The following GALNT13 variants were observed in gnomAD, a reference collection of about 807,000 sequenced individuals.
GALNT13 encodes the protein UDP-GalNAc:polypeptide N-acetylgalactosaminyltransferase 13.
A neutral mutation model predicts 64.2 loss-of-function variants in GALNT13; 28 were observed. That is an observed-to-expected ratio of 0.44 (90% CI 0.32 to 0.60). GALNT13 has a LOEUF of 0.60. GALNT13 is among the 20% of genes least tolerant of loss of function. The pLI is 0.05. For missense variants in GALNT13, 577 were observed against 669.8 expected (o/e 0.86, Z 1.53); for synonymous variants, 214 against 224.6 (o/e 0.95, Z 0.42).
intron 3 of GALNT13, among the ~76,000 whole-genome samples, chr2:154,071,178 A>G (rs1700722453): frequency 6.6e-6 from 1 of 152,176 alleles, no homozygotes; most frequent in African/African-American, 2.4e-5. Flanking sequence ...CTTGCAAGTT[A>G]GTGCTTTCTC....
At chr2:154,272,888 C>G (rs1026995367) in intron 8 of GALNT13, among the ~76,000 whole-genome samples, 1 of 151,984 alleles carries the variant, frequency 6.6e-6, no homozygotes, top group Non-Finnish European at 1.5e-5. Context: ...AAGTAAATAA[C>G]TTGTAAAAAA....
At chr2:154,271,655 A>G (rs1056929801) in intron 8 of GALNT13, among the ~76,000 whole-genome samples, 2 of 151,932 alleles carry the variant, frequency 1.3e-5, no homozygotes, top group Non-Finnish European at 2.9e-5. Context: ...AATTGTAAGC[A>G]TATACTGTAT....
chr2:153,976,188 T>A (rs1416953878), intron 3 of GALNT13, among the ~76,000 whole-genome samples: 1 of 152,152 alleles, frequency 6.6e-6, no homozygotes, highest in African/African-American at 2.4e-5. Context: ...AAAATTTGTA[T>A]ATCTTATTAG....
intron 3 of GALNT13, among the ~76,000 whole-genome samples, chr2:154,042,744 T>C (rs1699053448): frequency 6.7e-6 from 1 of 149,720 alleles, no homozygotes; most frequent in Admixed American, 6.7e-5. Flanking sequence ...TTAATATTTA[T>C]TGAATAAATG....
intron 3 of GALNT13, among the ~76,000 whole-genome samples, chr2:154,129,560 A>C (rs1427768263): frequency 1.3e-5 from 2 of 152,174 alleles, no homozygotes; most frequent in African/African-American, 4.8e-5. Flanking sequence ...TGGGGTTTGC[A>C]ACCCAGGAAA....
intron 12 of GALNT13, among the ~76,000 whole-genome samples, chr2:154,449,380 C>T (rs1467916884): frequency 6.7e-6 from 1 of 149,188 alleles, no homozygotes; most frequent in East Asian, 2.0e-4. Flanking sequence ...TTATGGCCCA[C>T]CCCTTACATT....
At chr2:153,499,432 AC>A in the GALNT13 span, among the ~76,000 whole-genome samples, 3 of 152,116 alleles carry the variant, frequency 2.0e-5, no homozygotes, top group Non-Finnish European at 4.4e-5. Context: ...TATTAACTTC[AC>A]CTGGAACTGA....
At chr2:154,136,909 T>A (rs1682984708) in intron 3 of GALNT13, among the ~76,000 whole-genome samples, 1 of 152,078 alleles carries the variant, frequency 6.6e-6, no homozygotes, top group African/African-American at 2.4e-5. Flanking sequence ...TGCATTACAT[T>A]TGCCTATTAG....
chr2:153,945,121 C>T (rs186154715), intron 3 of GALNT13, among the ~76,000 whole-genome samples: 18 of 152,124 alleles, frequency 1.2e-4, no homozygotes, highest in African/African-American at 1.4e-4. Context: ...AAACACATGG[C>T]GGTATGCAGA....
chr2:153,146,859 C>A, the GALNT13 span, among the ~76,000 whole-genome samples: 1 of 151,846 alleles, frequency 6.6e-6, no homozygotes, highest in African/African-American at 2.4e-5. Flanking sequence ...TATACTTCAG[C>A]GGACAGGTCC....
At position 154,192,804 on chromosome 2, in the gene GALNT13, TAAG is replaced by T. The variant is rs1686668696; in HGVS notation, c.312-49225_312-49223del. On this transcript the variant is annotated intron_variant, in intron 4 of 12. Coordinates refer to ENST00000392825, the MANE Select transcript of GALNT13 (RefSeq NM_052917.4). The stretch of plus-strand genomic sequence containing the variant: ...TAAGGTTGTTATCTTGTGATTTACT[TAAG>T]GCTTATGTGTAGCTTGAAAAAGATG... Among the ~76,000 whole-genome samples the T allele has an allele frequency of 4.6e-5, 7 of 152,340 alleles. No homozygotes were observed. In the South Asian group the frequency reaches 1.4e-3, roughly 32 times the overall value.
chr2:154,221,752 G>A (rs889730756), intron 4 of GALNT13, among the ~76,000 whole-genome samples: 1 of 152,000 alleles, frequency 6.6e-6, no homozygotes, highest in African/African-American at 2.4e-5. Flanking sequence ...TTCTCTTTTA[G>A]AGCACAGCAA....
chr2:154,080,006 T>C (rs918527487), intron 3 of GALNT13, among the ~76,000 whole-genome samples: 14 of 151,668 alleles, frequency 9.2e-5, no homozygotes, highest in South Asian at 2.1e-4. Flanking sequence ...CTTTAATACA[T>C]TGAACTTCTT....
the GALNT13 span, among the ~76,000 whole-genome samples, chr2:153,397,515 A>T: frequency 6.6e-6 from 1 of 152,038 alleles, no homozygotes; most frequent in Admixed American, 6.6e-5. Flanking sequence ...GTCTAGAGAA[A>T]GATTTATCTC....
chr2:153,374,531 C>G, the GALNT13 span, among the ~76,000 whole-genome samples: 1 of 152,138 alleles, frequency 6.6e-6, no homozygotes, highest in South Asian at 2.1e-4. Context: ...TTTACACTGA[C>G]TTATCTTGTA....
chr2:153,614,584 T>G, the GALNT13 span, among the ~76,000 whole-genome samples: 1 of 152,086 alleles, frequency 6.6e-6, no homozygotes, highest in Non-Finnish European at 1.5e-5. Flanking sequence ...GAACAGTGAC[T>G]GGGGTACCAA....
the GALNT13 span, among the ~76,000 whole-genome samples, chr2:153,590,123 C>T: frequency 6.6e-6 from 1 of 151,860 alleles, no homozygotes; most frequent in Non-Finnish European, 1.5e-5. Context: ...AGAAAAGACC[C>T]AAATAATTAC....
chr2:153,839,440 C>T, the GALNT13 span, among the ~76,000 whole-genome samples: 3 of 151,708 alleles, frequency 2.0e-5, no homozygotes, highest in African/African-American at 7.3e-5. Context: ...TCTTCTATAC[C>T]TAATCCACTG....
chr2:153,719,244 T>G, the GALNT13 span, among the ~76,000 whole-genome samples: 1 of 152,026 alleles, frequency 6.6e-6, no homozygotes, highest in African/African-American at 2.4e-5. Flanking sequence ...TGGGAGTTAC[T>G]AGCTGTTTGA....
Sources: gnomAD v4.1 joint callset for allele counts (sites outside exome capture counted in the v4.1 genomes callset) on GRCh38, gnomAD v4.1.1 for gene constraint, MANE v1.5 for transcripts, NCBI Gene and HGNC (gene_info 2026-07-23, HGNC 2026-07-21) for gene names.